CDH18: variants seen among roughly 807,000 people sequenced by gnomAD.
The protein encoded by CDH18 is cadherin 18.
CDH18 carries 31 observed loss-of-function variants against 67.9 expected under a neutral mutation model. That is an observed-to-expected ratio of 0.46 (90% confidence interval 0.34 to 0.62). CDH18 has a LOEUF of 0.62. Ranked by LOEUF, CDH18 falls within the 20% of genes least tolerant of loss-of-function variation. The pLI, the probability that CDH18 is intolerant of heterozygous loss-of-function variation, is 0.01. For missense variants in CDH18, 890 were observed against 975.5 expected, an observed-to-expected ratio of 0.91 and a Z score of 1.17; for synonymous variants, 362 against 347.2, an observed-to-expected ratio of 1.04 and a Z score of -0.48.
At chr5:20,234,804 T>C (rs1346028816) in intron 2 of CDH18, among the ~76,000 whole-genome samples, 4 of 152,084 alleles carry the variant, frequency 2.6e-5, no homozygotes, top group Non-Finnish European at 5.9e-5. Context: ...GGGATGGGCA[T>C]GGGGACAACA....
At chr5:19,753,213 T>A (rs139256878) in intron 3 of CDH18, among the ~76,000 whole-genome samples, 22 of 152,138 alleles carry the variant, frequency 1.4e-4, no homozygotes, top group Non-Finnish European at 2.9e-4. Context: ...ATTCAGGAGG[T>A]TAGTTATTAA....
chr5:20,554,376 A>G (rs1449001934), intron 1 of CDH18, among the ~76,000 whole-genome samples: 1 of 152,130 alleles, frequency 6.6e-6, no homozygotes, highest in Non-Finnish European at 1.5e-5. Flanking sequence ...TAGATAATCT[A>G]CCTTATTATT....
At chr5:19,956,859 C>T (rs545234515) in intron 2 of CDH18, among the ~76,000 whole-genome samples, 11 of 151,776 alleles carry the variant, frequency 7.2e-5, no homozygotes, top group Admixed American at 7.2e-4. Flanking sequence ...ATGCATAATT[C>T]GTATAAGAAT....
chr5:19,659,909 A>AATATG (rs1407099002), intron 5 of CDH18, among the ~76,000 whole-genome samples: 2 of 152,114 alleles, frequency 1.3e-5, no homozygotes, highest in Admixed American at 1.3e-4. Flanking sequence ...CACTACGACA[A>AATATG]ATATGATACT....
intron 2 of CDH18, among the ~76,000 whole-genome samples, chr5:19,917,204 TA>T (rs1791904984): frequency 6.6e-6 from 1 of 152,274 alleles, no homozygotes; most frequent in South Asian, 2.1e-4. Context: ...GTGGATTTTT[TA>T]AAAAAGGAAA....
At chr5:19,611,261 C>G in intron 6 of CDH18, among the ~76,000 whole-genome samples, 1 of 151,776 alleles carries the variant, frequency 6.6e-6, no homozygotes, top group African/African-American at 2.4e-5. Context: ...ATAACATGAA[C>G]AAGCATGCAA....
chr5:19,969,223 G>T (rs1339731469), intron 2 of CDH18, among the ~76,000 whole-genome samples: 1 of 147,002 alleles, frequency 6.8e-6, no homozygotes, highest in Non-Finnish European at 1.5e-5. Flanking sequence ...TGGAGAAATA[G>T]GAACACTTTT....
intron 8 of CDH18, among the ~76,000 whole-genome samples, chr5:19,550,875 C>T (rs1021331202): frequency 1.3e-5 from 2 of 152,152 alleles, no homozygotes; most frequent in Non-Finnish European, 2.9e-5. Flanking sequence ...TTTACATTCC[C>T]ACCAACAGTG....
At chr5:20,447,097 T>G (rs1453900923) in intron 1 of CDH18, among the ~76,000 whole-genome samples, 1 of 152,156 alleles carries the variant, frequency 6.6e-6, no homozygotes. Context: ...ATGCTGTTTC[T>G]CCTTTGAATT....
chr5:20,514,644 G>A (rs1163332287), intron 1 of CDH18, among the ~76,000 whole-genome samples: 1 of 151,994 alleles, frequency 6.6e-6, no homozygotes, highest in Non-Finnish European at 1.5e-5. Flanking sequence ...GTCCCTATGA[G>A]TGTTTTTAGC....
intron 2 of CDH18, among the ~76,000 whole-genome samples, chr5:20,152,128 A>C (rs927591206): frequency 2.7e-5 from 4 of 145,990 alleles, no homozygotes; most frequent in African/African-American, 9.9e-5. Context: ...ATAATTATTT[A>C]TATATTACAC....
chr5:20,504,707 C>T (rs1262481513), intron 1 of CDH18, among the ~76,000 whole-genome samples: 1 of 148,718 alleles, frequency 6.7e-6, no homozygotes, highest in Non-Finnish European at 1.5e-5. Flanking sequence ...AACAGTTAAA[C>T]TTAATAAAAA....
rs58415003 is a variant in CDH18, at chr5:20,056,478, G to GTTTTTTTTTTTTTTTTTTTTTTT, written c.-517-64487_-517-64465dup. The stretch of plus-strand genomic sequence containing the variant: ...TATTTTTCTTTATTTTCTTTCTTTT[G>GTTTTTTTTTTTTTTTTTTTTTTT]TTTTTTTTTTTTTTTTTTTTTTTTT... On this transcript the variant is annotated intron_variant, in intron 2 of 14. Coordinates refer to the CDH18 transcript ENST00000507958. Among the ~76,000 whole-genome samples, 3 of 16,288 alleles carry GTTTTTTTTTTTTTTTTTTTTTTT rather than the reference G, an allele frequency of 1.8e-4. 1 individual carries two copies. Among genetic ancestry groups the GTTTTTTTTTTTTTTTTTTTTTTT allele is most frequent in the Non-Finnish European group, 3.8e-4 (3 of 7,902 alleles). The allele number at this position is 16,288 out of a possible 152,430, so 10.7% of individuals were successfully genotyped here. A position where few individuals can be genotyped will look rare whatever the true frequency, so the allele number is the denominator to read the frequency against.
At chr5:20,250,904 CCAGA>C (rs1743810719) in intron 2 of CDH18, among the ~76,000 whole-genome samples, 1 of 152,012 alleles carries the variant, frequency 6.6e-6, no homozygotes, top group African/African-American at 2.4e-5. Context: ...TGGCGCCCAG[CCAGA>C]CAAATGCATT....
At chr5:19,614,380 TATA>T (rs1465287558) in intron 5 of CDH18, among the ~76,000 whole-genome samples, 5 of 150,926 alleles carry the variant, frequency 3.3e-5, no homozygotes, top group African/African-American at 9.7e-5. Context: ...CAAAATAAAT[TATA>T]ATAATATTAT....
At chr5:19,879,720 CAG>C (rs967993340) in intron 2 of CDH18, among the ~76,000 whole-genome samples, 4 of 151,928 alleles carry the variant, frequency 2.6e-5, no homozygotes, top group African/African-American at 4.8e-5. Flanking sequence ...GTGTGCATCA[CAG>C]AGAGATCATA....
chr5:19,574,796 A>C (rs1470086837), intron 7 of CDH18, among the ~76,000 whole-genome samples: 3 of 151,642 alleles, frequency 2.0e-5, no homozygotes, highest in African/African-American at 7.3e-5. Flanking sequence ...TAATCCCAGC[A>C]CTTTGGGAGG....
intron 1 of CDH18, among the ~76,000 whole-genome samples, chr5:20,383,256 A>T (rs1010329271): frequency 6.6e-6 from 1 of 152,154 alleles, no homozygotes; most frequent in Non-Finnish European, 1.5e-5. Context: ...GTTAGTATTA[A>T]GTCCACTTGG....
intron 1 of CDH18, among the ~76,000 whole-genome samples, chr5:20,538,771 C>T (rs1756867636): frequency 6.6e-6 from 1 of 151,928 alleles, no homozygotes; most frequent in Non-Finnish European, 1.5e-5. Context: ...AAAAATATTG[C>T]ATGTTAGCTA....
Sources: allele counts gnomAD v4.1 joint callset (sites outside exome capture counted in the v4.1 genomes callset), GRCh38; gene constraint gnomAD v4.1.1; transcripts MANE v1.5; gene names NCBI Gene and HGNC (gene_info 2026-07-23, HGNC 2026-07-21).